The following R3HDM2 variants were observed in gnomAD, a reference collection of about 807,000 sequenced individuals.
R3HDM2 encodes the protein R3H domain-containing protein 2.
Under a neutral mutation model 124.5 loss-of-function variants are expected in R3HDM2, and 38 were observed. That is an observed-to-expected ratio of 0.31 (90% CI 0.24 to 0.40). The LOEUF (loss-of-function observed/expected upper bound fraction) is 0.40, where lower values mean the gene tolerates loss of function less well. R3HDM2 is among the 10% of genes least tolerant of loss of function. R3HDM2 has a pLI of 1.00. For missense variants in R3HDM2, 869 were observed against 1,236.9 expected (o/e 0.70, Z 4.46); for synonymous variants, 391 against 448.0 (o/e 0.87, Z 1.61).
At chr12:57,300,011 C>T (rs2050768247) in intron 5 of R3HDM2, 84 bp downstream of exon 5, 13 of 1,025,470 alleles carry the variant, frequency 1.3e-5, no homozygotes, top group Non-Finnish European at 1.8e-5. Flanking sequence ...ATTTTCAAGT[C>T]TGATGTTGCT....
chr12:57,288,802 C>A, intron 12 of R3HDM2: 1 of 1,449,180 alleles, frequency 6.9e-7, no homozygotes, highest in Non-Finnish European at 9.4e-7. Flanking sequence ...AAGATTACAG[C>A]AAAACAAAAT....
intron 2 of R3HDM2, among the ~76,000 whole-genome samples, chr12:57,320,874 T>G (rs1318038120): frequency 6.6e-6 from 1 of 152,164 alleles, no homozygotes; most frequent in African/African-American, 2.4e-5. Context: ...ACTTTTAATC[T>G]ATGGCCAAGT....
intron 1 of R3HDM2, among the ~76,000 whole-genome samples, chr12:57,420,436 G>T (rs2070077257): frequency 6.6e-6 from 1 of 151,064 alleles, no homozygotes; most frequent in African/African-American, 2.4e-5. Flanking sequence ...ATCCTACTTG[G>T]TCTTTCTACC....
At chr12:57,299,547 C>CA (rs1407752992) in intron 5 of R3HDM2, 69 bp from the exon 6 acceptor site, 1 of 1,440,816 alleles carries the variant, frequency 6.9e-7, no homozygotes, top group African/African-American at 1.4e-5. Context: ...CTTGGAATCT[C>CA]AAAGAAGGTA....
At chr12:57,303,151 A>G in intron 4 of R3HDM2, 25 bp downstream of exon 4, 1 of 1,481,700 alleles carries the variant, frequency 6.7e-7, no homozygotes, top group Non-Finnish European at 9.2e-7. Context: ...AACATTAGAA[A>G]AGAAGCTAGA....
In R3HDM2 at chr12:57,315,996, G is replaced by A. The variant is rs149818039; in HGVS notation, c.-35-5533C>T. ...TAGCCGGGCGTGGTGGCACACGCCT[G>A]TGGTCCTAGCTACTTAGTTGAGCCT... On this transcript the variant is annotated intron_variant, in intron 2 of 23. Transcript: ENST00000402412. Among the ~76,000 whole-genome samples, 832 of 152,290 alleles carry A rather than the reference G, an allele frequency of 5.5e-3. 5 individuals are homozygous for A. Among genetic ancestry groups the A allele is most frequent in the African/African-American group, 0.019 (796 of 41,562 alleles).
chr12:57,422,221 C>T (rs1487412245), intron 1 of R3HDM2, among the ~76,000 whole-genome samples: 1 of 151,750 alleles, frequency 6.6e-6, no homozygotes, highest in East Asian at 1.9e-4. Context: ...TAATTCCAGT[C>T]TATTTTCCAA....
intron 1 of R3HDM2, among the ~76,000 whole-genome samples, chr12:57,423,623 C>G (rs904798376): frequency 1.3e-5 from 2 of 151,200 alleles, no homozygotes; most frequent in African/African-American, 4.9e-5. Flanking sequence ...ACCACCCTGG[C>G]CAACATGGTG....
intron 2 of R3HDM2, among the ~76,000 whole-genome samples, chr12:57,330,052 C>T (rs1192373636): frequency 3.9e-5 from 6 of 152,126 alleles, no homozygotes; most frequent in South Asian, 4.1e-4. Flanking sequence ...CCGCAACCTC[C>T]GCCTCCCGGG....
chr12:57,422,830 T>C (rs1343085961), intron 1 of R3HDM2, among the ~76,000 whole-genome samples: 5 of 151,736 alleles, frequency 3.3e-5, no homozygotes. Context: ...AATTAAAAAA[T>C]AAAATTAGCT....
chr12:57,274,699 G>C (rs138698437), intron 14 of R3HDM2, among the ~76,000 whole-genome samples: 16 of 152,110 alleles, frequency 1.1e-4, no homozygotes, highest in Non-Finnish European at 1.8e-4. Context: ...ACAAAGCCAG[G>C]GAAGCTCTGA....
chr12:57,306,451 C>T (rs969992641), intron 3 of R3HDM2, among the ~76,000 whole-genome samples: 4 of 151,742 alleles, frequency 2.6e-5, no homozygotes, highest in Non-Finnish European at 5.9e-5. Flanking sequence ...GCTCTGTTGC[C>T]AGGCTGGAGT....
At chr12:57,366,723 T>C (rs1236517928) in intron 2 of R3HDM2, among the ~76,000 whole-genome samples, 1 of 152,176 alleles carries the variant, frequency 6.6e-6, no homozygotes, top group Non-Finnish European at 1.5e-5. Context: ...AGAGTCTCGC[T>C]CTGTTGCCCA....
intron 5 of R3HDM2, 121 bp downstream of exon 5, chr12:57,299,974 T>C: frequency 1.3e-6 from 1 of 786,588 alleles, no homozygotes; most frequent in East Asian, 2.7e-5. Flanking sequence ...CTACAACAGC[T>C]TTTGTTCTGA....
At chr12:57,394,619 A>G (rs1395834776) in intron 2 of R3HDM2, among the ~76,000 whole-genome samples, 2 of 152,202 alleles carry the variant, frequency 1.3e-5, no homozygotes, top group Non-Finnish European at 2.9e-5. Context: ...AGAAAGAAAA[A>G]TAGGACAAAT....
At chr12:57,400,605 CAAT>C (rs777344702) in intron 1 of R3HDM2, among the ~76,000 whole-genome samples, 9 of 151,926 alleles carry the variant, frequency 5.9e-5, no homozygotes, top group Non-Finnish European at 1.3e-4. Context: ...TAAAAAAAAA[CAAT>C]AAACACTGTC....
chr12:57,338,304 A>C (rs2059127318), intron 2 of R3HDM2, among the ~76,000 whole-genome samples: 1 of 150,892 alleles, frequency 6.6e-6, no homozygotes, highest in African/African-American at 2.4e-5. Flanking sequence ...GCTCCATCTC[A>C]AAAACAAAAA....
chr12:57,406,214 G>A (rs2068509434), intron 1 of R3HDM2, among the ~76,000 whole-genome samples: 2 of 151,560 alleles, frequency 1.3e-5, no homozygotes, highest in African/African-American at 4.9e-5. Context: ...CCAGCTACTC[G>A]GGAGGCTGAG....
At chr12:57,395,102 A>G (rs528071442) in intron 2 of R3HDM2, among the ~76,000 whole-genome samples, 1 of 151,932 alleles carries the variant, frequency 6.6e-6, no homozygotes, top group East Asian at 1.9e-4. Flanking sequence ...CCCAGCATCT[A>G]GGGAGGCTGA....
Sources: gnomAD v4.1 joint callset for allele counts (sites outside exome capture counted in the v4.1 genomes callset) on GRCh38, gnomAD v4.1.1 for gene constraint, MANE v1.5 for transcripts, NCBI Gene and HGNC (gene_info 2026-07-23, HGNC 2026-07-21) for gene names.